HEPH: variants seen among roughly 807,000 people sequenced by gnomAD.
HEPH encodes the protein hephaestin.
HEPH carries 69 observed loss-of-function variants against 80.8 expected under a neutral mutation model. The ratio of observed to expected loss-of-function variants is 0.85; its 90% CI spans 0.70 to 1.04. The LOEUF is 1.04. Among genes scored for constraint, HEPH ranks in the 50% least tolerant of loss-of-function variants. The pLI, the probability that HEPH is intolerant of heterozygous loss-of-function variation, is 0.00. For synonymous variants in HEPH, 431 were observed against 322.8 expected (o/e 1.34, Z -3.60); for missense variants, 1,115 against 891.3 (o/e 1.25, Z -3.20).
At chrX:66,194,321 G>A (rs368468936) in intron 8 of HEPH, among the ~76,000 whole-genome samples, 1 of 111,842 alleles carries the variant, frequency 8.9e-6, no homozygotes, top group East Asian at 2.8e-4. Flanking sequence ...ATCCACCATA[G>A]GAAGGAGAGA....
In HEPH at chrX:66,197,788, C is replaced by G. The variant is rs773571172; in HGVS notation, c.1607C>G (p.Thr536Ser). 8.3e-7 allele frequency: 1 copy of G among 1,211,273 alleles called. No individual in the cohort carries two copies. The highest frequency in any genetic ancestry group is 2.2e-5 in the Admixed American group (1 of 46,058). Residue 536 changes from threonine to serine, a missense_variant, in exon 10 of 21, where the codon ACT (threonine) becomes AGT (serine). Physicochemically the swap from Thr to Ser is moderately conservative, Grantham distance 58 (BLOSUM62 1). This residue lies in a region of HEPH where 716 missense variants were observed against 523.5 expected (regional missense o/e 1.37). Coordinates refer to ENST00000343002, the MANE Select transcript of HEPH (RefSeq NM_001367233.3). ...GPTAQDPACL[T>S]WMYFSAADPI... ...ACTGCTCAGGATCCTGCTTGTCTCA[C>G]TTGGATGTACTTCTCTGCTGCAGAT...
intron 15 of HEPH, among the ~76,000 whole-genome samples, chrX:66,247,049 T>C (rs2090838338): frequency 8.9e-6 from 1 of 111,946 alleles, no homozygotes; most frequent in African/African-American, 3.2e-5. Flanking sequence ...CTATTAATCT[T>C]ATTGAGAATT....
intron 8 of HEPH, among the ~76,000 whole-genome samples, chrX:66,194,147 A>G (rs1409947601): frequency 8.9e-6 from 1 of 111,765 alleles, no homozygotes; most frequent in Admixed American, 9.5e-5. Flanking sequence ...GAAGTGGTTT[A>G]GTAGCATGAT....
chrX:66,237,028 A>C (rs1175194751), intron 15 of HEPH, among the ~76,000 whole-genome samples: 1 of 110,611 alleles, frequency 9.0e-6, no homozygotes, highest in South Asian at 3.7e-4. Flanking sequence ...TATTAATCTA[A>C]CTAGAAGTCT....
chrX:66,175,331 TA>T (rs2086754634), intron 4 of HEPH, among the ~76,000 whole-genome samples: 1 of 111,846 alleles, frequency 8.9e-6, no homozygotes, highest in African/African-American at 3.2e-5. Flanking sequence ...TGTTTGGGTT[TA>T]TTTCTGAGTT....
chrX:66,167,591 C>T (rs1284360437), intron 1 of HEPH, among the ~76,000 whole-genome samples: 2 of 112,279 alleles, frequency 1.8e-5, no homozygotes, highest in Non-Finnish European at 3.8e-5. Flanking sequence ...CACTCCCTCC[C>T]TGTTGAGGAT....
intron 15 of HEPH, among the ~76,000 whole-genome samples, chrX:66,210,197 AAGT>A (rs1204933783): frequency 8.9e-6 from 1 of 112,226 alleles, no homozygotes; most frequent in East Asian, 2.8e-4. Flanking sequence ...GTCAAGGATG[AAGT>A]AGTCAACAGC....
In HEPH at chrX:66,189,884, C is replaced by A; in HGVS notation, c.1009C>A (p.Pro337Thr). ...PATFVTAEMVPWEPGTWLISC... is the reference protein window; with the variant it reads ...PATFVTAEMVTWEPGTWLISC... ...CACCTTTGTGACTGCTGAGATGGTG[C>A]CCTGGGAACCTGGTACCTGGTTAAT... The change falls in exon 6 of 21, where the codon CCC becomes ACC. Residue 337 changes from proline to threonine, a missense_variant. By Grantham distance (38) the Pro-to-Thr change is conservative. This residue lies in a region of HEPH where 391 missense variants were observed against 343.6 expected (regional missense o/e 1.14). Coordinates refer to ENST00000343002, the MANE Select transcript of HEPH (RefSeq NM_001367233.3). 3 of 1,197,498 alleles carry A rather than the reference C, an allele frequency of 2.5e-6. No homozygotes were observed. Among genetic ancestry groups the A allele is most frequent in the Admixed American group, 2.3e-5 (1 of 44,006 alleles).
At chrX:66,207,863 G>T (rs1325547078) in intron 14 of HEPH, among the ~76,000 whole-genome samples, 1 of 111,033 alleles carries the variant, frequency 9.0e-6, no homozygotes, top group Non-Finnish European at 1.9e-5. Context: ...GAGGGTAGGG[G>T]TGGGAAAAGT....
At position 66,188,431 on chromosome X, in the gene HEPH, T is replaced by A; in HGVS notation, c.698T>A (p.Val233Glu). 8.3e-7 allele frequency: 1 copy of A among 1,206,137 alleles called. No individual in the cohort carries two copies. The highest frequency in any genetic ancestry group is 1.1e-6 in the Non-Finnish European group (1 of 891,798). ...DHDFFLLFSV[V>E]DENLSWHLNE... ...GATTTCTTCCTCCTCTTCAGTGTGG[T>A]AGATGAGAACCTCAGCTGGCATCTC... Residue 233 changes from valine to glutamate, a missense_variant, in exon 5 of 21, where the codon GTA (valine) becomes GAA (glutamate). Physicochemically the swap from Val to Glu is moderately radical, Grantham distance 121. Around this residue, in one of 3 missense-constraint regions of HEPH, gnomAD observed 391 missense variants for 343.6 expected, o/e 1.14. Coordinates refer to ENST00000343002, the MANE Select transcript of HEPH (RefSeq NM_001367233.3).
Position 66,189,936 on chromosome X carries a change from G to A in HEPH, c.1061G>A (p.Arg354Gln), listed in dbSNP as rs376760584. ...AGCTGCCAAGTGAACAGTCACTTTCGAGGTGAGATCCAACATTTCTGACCA... is the reference window on the plus strand; with the variant it reads ...AGCTGCCAAGTGAACAGTCACTTTCAAGGTGAGATCCAACATTTCTGACCA... The part of the protein sequence containing the change: ...LISCQVNSHF[R>Q]DGMQALYKVK... The change falls in exon 6 of 21, where the codon CGA becomes CAA. Residue 354 changes from arginine (R) to glutamine (Q), a missense_variant and splice_region_variant. By Grantham distance (43) the Arg-to-Gln change is conservative. Transcript: ENST00000343002. 1.6e-4 allele frequency: 185 copies of A among 1,170,138 alleles called. No homozygotes were observed. The highest frequency in any genetic ancestry group is 2.9e-4 in the South Asian group (15 of 52,357).
chrX:66,167,142 A>G (rs975657489), intron 1 of HEPH, among the ~76,000 whole-genome samples: 1 of 112,347 alleles, frequency 8.9e-6, no homozygotes, highest in Non-Finnish European at 1.9e-5. Flanking sequence ...CAGCTAGGAA[A>G]AATGGAGCCA....
chrX:66,187,416 G>T (rs1329435821), intron 4 of HEPH, among the ~76,000 whole-genome samples: 2 of 111,380 alleles, frequency 1.8e-5, no homozygotes, highest in Non-Finnish European at 3.8e-5. Flanking sequence ...GCTGAAGGCT[G>T]TTCTTCAGAT....
chrX:66,175,667 T>C (rs975866470), intron 4 of HEPH, among the ~76,000 whole-genome samples: 6 of 111,857 alleles, frequency 5.4e-5, no homozygotes, highest in Non-Finnish European at 9.4e-5. Context: ...TTTGTTTGTG[T>C]CATCCATGAT....
chrX:66,179,713 A>G (rs2087001331), intron 4 of HEPH, among the ~76,000 whole-genome samples: 1 of 111,194 alleles, frequency 9.0e-6, no homozygotes, highest in South Asian at 3.8e-4. Flanking sequence ...GTTTCTATCT[A>G]TGGCATTTCT....
intron 19 of HEPH, among the ~76,000 whole-genome samples, chrX:66,262,008 C>G (rs1274193130): frequency 8.9e-6 from 1 of 112,395 alleles, no homozygotes; most frequent in Non-Finnish European, 1.9e-5. Flanking sequence ...GAGACCATTT[C>G]AATACATATT....
At chrX:66,166,288 G>C (rs1384667568) in intron 1 of HEPH, among the ~76,000 whole-genome samples, 1 of 111,465 alleles carries the variant, frequency 9.0e-6, no homozygotes, top group Non-Finnish European at 1.9e-5. Flanking sequence ...CCGCCTCCCA[G>C]GTTCAAGCGA....
chrX:66,237,647 A>T lies in HEPH; in HGVS notation c.2564-17388A>T, dbSNP rs1267941935. ...GATTTCTATCAAGTCCATTTTATCC[A>T]GTGCTGAGTTCACATGTTGAATATC... On this transcript the variant is annotated intron_variant, in intron 15 of 20. Coordinates refer to ENST00000343002, the MANE Select transcript of HEPH (RefSeq NM_001367233.3). Among the ~76,000 whole-genome samples, 3 of 112,349 alleles carry T rather than the reference A, an allele frequency of 2.7e-5. 1 individual carries two copies. The highest frequency in any genetic ancestry group is 9.2e-3 in the Middle Eastern group (2 of 217).
chrX:66,208,366 C>T, intron 15 of HEPH, 120 bp downstream of exon 15: 2 of 735,972 alleles, frequency 2.7e-6, no homozygotes, highest in Non-Finnish European at 1.9e-6. Context: ...TTCCTGTAAT[C>T]CCAGCAGTTT....
Sources: gnomAD v4.1 joint callset for allele counts (sites outside exome capture counted in the v4.1 genomes callset) on GRCh38, gnomAD v4.1.1 for gene constraint, gnomAD v4.1.1 regional missense constraint, MANE v1.5 for transcripts, NCBI Gene and HGNC (gene_info 2026-07-23, HGNC 2026-07-21) for gene names.